ANXA4: variants seen among roughly 807,000 people sequenced by gnomAD.
The protein encoded by ANXA4 is annexin A4, also known as 35-beta calcimedin.
A neutral mutation model predicts 49.8 loss-of-function variants in ANXA4; 39 were observed. The ratio of observed to expected loss-of-function variants is 0.78; its 90% CI spans 0.61 to 1.02. The LOEUF is 1.02. Among genes scored for constraint, ANXA4 ranks in the 50% least tolerant of loss-of-function variants. The pLI is 0.00. For missense variants in ANXA4, 360 were observed against 410.1 expected (o/e 0.88, Z 1.05); for synonymous variants, 134 against 152.5 (o/e 0.88, Z 0.89).
At chr2:69,808,193 A>C in intron 6 of ANXA4, 197 bp downstream of exon 6, 1 of 568,444 alleles carries the variant, frequency 1.8e-6, no homozygotes, top group Non-Finnish European at 3.1e-6. Flanking sequence ...TTCTCAGGTG[A>C]AGATGACACT....
intron 2 of ANXA4, among the ~76,000 whole-genome samples, chr2:69,656,337 A>ATATG (rs1447765401): frequency 2.2e-5 from 2 of 92,996 alleles, no homozygotes; most frequent in African/African-American, 6.5e-5. Flanking sequence ...ATATATGTGT[A>ATATG]TATATATGTG....
At chr2:69,748,400 AAT>A (rs1491289076) in intron 1 of ANXA4, among the ~76,000 whole-genome samples, 1 of 151,744 alleles carries the variant, frequency 6.6e-6, no homozygotes, top group Non-Finnish European at 1.5e-5. Context: ...GAAAAAAAAA[AAT>A]GAGAGAAAAG....
At chr2:69,800,993 G>A (rs1673169419) in intron 3 of ANXA4, among the ~76,000 whole-genome samples, 1 of 152,038 alleles carries the variant, frequency 6.6e-6, no homozygotes, top group South Asian at 2.1e-4. Flanking sequence ...AGGCACTGGG[G>A]GTTGGGGGGC....
rs369330092 is a variant in ANXA4 at position 69,719,426 on chromosome 2, G to A, written n.767-1348G>A. ...TACAGGTATGTGCCACAACATCCAA[G>A]TAATTTTTAAAAATTATTATTATTT... On this transcript the variant is annotated intron_variant and non_coding_transcript_variant, in intron 2 of 3. Transcript: ENST00000418066. Among the ~76,000 whole-genome samples, 36 of 151,282 alleles carry A rather than the reference G, an allele frequency of 2.4e-4. No individual in the cohort carries two copies. In the East Asian group the frequency reaches 6.4e-3, roughly 27 times the overall value.
At chr2:69,824,652 T>C (rs925038766) in intron 12 of ANXA4, among the ~76,000 whole-genome samples, 3 of 151,932 alleles carry the variant, frequency 2.0e-5, no homozygotes, top group East Asian at 1.9e-4. Flanking sequence ...TAGTGAAAAA[T>C]TGAAACAACG....
chr2:69,803,137 G>A (rs1840342), intron 3 of ANXA4, among the ~76,000 whole-genome samples: 10,661 of 151,602 alleles, frequency 0.07, 1,241 homozygotes, highest in African/African-American at 0.24. Flanking sequence ...GGAGGGAGAG[G>A]GAGTGAGCTG....
At chr2:69,766,356 C>T (rs575950206) in intron 1 of ANXA4, among the ~76,000 whole-genome samples, 6 of 152,270 alleles carry the variant, frequency 3.9e-5, no homozygotes, top group East Asian at 1.9e-4. Flanking sequence ...TAAGTACTTA[C>T]GTGATGTAAT....
intron 1 of ANXA4, among the ~76,000 whole-genome samples, chr2:69,766,578 A>G (rs1671502032): frequency 6.6e-6 from 1 of 152,160 alleles, no homozygotes; most frequent in Non-Finnish European, 1.5e-5. Flanking sequence ...TTGAAGGAGA[A>G]GTTTCCGTTT....
chr2:69,689,328 T>C (rs1677888392), intron 2 of ANXA4, among the ~76,000 whole-genome samples: 1 of 152,084 alleles, frequency 6.6e-6, no homozygotes, highest in Non-Finnish European at 1.5e-5. Context: ...CCTCAAGTGA[T>C]CCTCCTGCCT....
At chr2:69,801,514 C>T (rs1458804737) in intron 3 of ANXA4, among the ~76,000 whole-genome samples, 1 of 151,950 alleles carries the variant, frequency 6.6e-6, no homozygotes, top group East Asian at 1.9e-4. Context: ...AAGTGATTCT[C>T]ATGCCTCAGC....
At chr2:69,653,251 G>C (rs956944925) in exon 2 of ANXA4, 1 of 152,238 alleles carries the variant, frequency 6.6e-6, no homozygotes, top group Admixed American at 6.5e-5. Context: ...ACCAGTGCCA[G>C]TGCTTGAACT....
At chr2:69,731,592 C>T (rs1000935871) in intron 3 of ANXA4, among the ~76,000 whole-genome samples, 7 of 151,698 alleles carry the variant, frequency 4.6e-5, no homozygotes, top group Admixed American at 1.3e-4. Context: ...GGTTTGATGA[C>T]GCTTGAATAT....
chr2:69,747,298 G>A (rs1448755706), intron 1 of ANXA4, among the ~76,000 whole-genome samples: 1 of 152,146 alleles, frequency 6.6e-6, no homozygotes, highest in Non-Finnish European at 1.5e-5. Context: ...AAGTTCTCCT[G>A]ATTTATATGC....
At chr2:69,645,876 A>G (rs1045826272) in intron 1 of ANXA4, among the ~76,000 whole-genome samples, 1 of 152,322 alleles carries the variant, frequency 6.6e-6, no homozygotes, top group Non-Finnish European at 1.5e-5. Context: ...AAGTACCATT[A>G]TTATACTCAT....
chr2:69,767,271 A>G (rs1671531090), intron 1 of ANXA4, among the ~76,000 whole-genome samples: 1 of 152,222 alleles, frequency 6.6e-6, no homozygotes, highest in Non-Finnish European at 1.5e-5. Context: ...TAGTCTTAAT[A>G]TTGCTGGTGC....
chr2:69,739,788 C>G (rs546258743), upstream of ANXA4, among the ~76,000 whole-genome samples: 366 of 152,190 alleles, frequency 2.4e-3, 3 homozygotes, highest in South Asian at 0.012. Context: ...TTTAAATACT[C>G]TTAGATCAGG....
intron 2 of ANXA4, among the ~76,000 whole-genome samples, chr2:69,666,081 G>A (rs1676922102): frequency 1.3e-5 from 2 of 152,148 alleles, no homozygotes. Flanking sequence ...GTGGGCACCT[G>A]TGGTCTCAGC....
chr2:69,764,796 G>T (rs1357235551), intron 1 of ANXA4, among the ~76,000 whole-genome samples: 1 of 152,122 alleles, frequency 6.6e-6, no homozygotes, highest in African/African-American at 2.4e-5. Flanking sequence ...TCCATTCACA[G>T]AACTCTTTTC....
At chr2:69,776,682 GGAA>G (rs1369134210) in intron 1 of ANXA4, among the ~76,000 whole-genome samples, 6 of 152,014 alleles carry the variant, frequency 3.9e-5, no homozygotes, top group African/African-American at 9.7e-5. Flanking sequence ...GGGCCACATT[GGAA>G]GAAGAATAAT....
Sources: allele counts gnomAD v4.1 joint callset (sites outside exome capture counted in the v4.1 genomes callset), GRCh38; gene constraint gnomAD v4.1.1; transcripts MANE v1.5; gene names NCBI Gene and HGNC (gene_info 2026-07-23, HGNC 2026-07-21).